RNF146: variants seen among roughly 807,000 people sequenced by gnomAD.
The protein encoded by RNF146 is E3 ubiquitin-protein ligase RNF146.
RNF146 carries 11 observed loss-of-function variants against 29.7 expected under a neutral mutation model. The observed-to-expected ratio is 0.37, with a 90% CI of 0.23 to 0.61. RNF146 has a LOEUF of 0.61. Ranked by LOEUF, RNF146 falls within the 20% of genes least tolerant of loss-of-function variation. The pLI is 0.66. For missense variants in RNF146, 342 were observed against 438.9 expected (o/e 0.78, Z 1.97); for synonymous variants, 150 against 159.7 (o/e 0.94, Z 0.46).
intron 2 of RNF146, chr6:127,285,477 C>G (rs1779386853): frequency 3.4e-6 from 1 of 291,114 alleles, no homozygotes; most frequent in African/African-American, 2.4e-5. Context: ...ATTTCTCAGT[C>G]TTTTTTACTT....
Position 127,286,480 on chromosome 6 carries a change from A to G in RNF146, c.3-136A>G, listed in dbSNP as rs925359225. Reference sequence around the variant, plus strand: ...GTTGGAGAGTTTTTCCTCTACTTTCATCTTCATATCCCCATTGTCTAGTAT... The same window carrying G: ...GTTGGAGAGTTTTTCCTCTACTTTCGTCTTCATATCCCCATTGTCTAGTAT... On this transcript the variant is annotated intron_variant, in intron 2 of 2. Transcript: ENST00000368314. This position sits in a 1 kb window ranked among gnomAD's most constrained non-coding sequence, Gnocchi z 4.6. 2 of 885,676 alleles carry G rather than the reference A, an allele frequency of 2.3e-6. No homozygotes were observed. The highest frequency in any genetic ancestry group is 3.4e-5 in the African/African-American group (2 of 58,688). 54.9% of individuals were successfully genotyped at this position (885,676 alleles called of 1,614,324 possible).
chr6:127,269,955 GTAAGTCTTCAAATAT>G (rs1777229610), intron 1 of RNF146, among the ~76,000 whole-genome samples: 1 of 152,062 alleles, frequency 6.6e-6, no homozygotes, highest in Non-Finnish European at 1.5e-5. Flanking sequence ...GAAAAATACA[GTAAGTCTTCAAATAT>G]TTATAATTGA....
intron 1 of RNF146, among the ~76,000 whole-genome samples, chr6:127,274,932 T>TAAAAC (rs147643999): frequency 1.1e-4 from 17 of 152,082 alleles, no homozygotes; most frequent in East Asian, 7.7e-4. Flanking sequence ...CGCTGTCTCT[T>TAAAAC]AAAACAAAAC....
chr6:127,281,135 A>T (rs960871772), intron 2 of RNF146, among the ~76,000 whole-genome samples: 1 of 151,658 alleles, frequency 6.6e-6, no homozygotes, highest in African/African-American at 2.4e-5. Flanking sequence ...CCAGTATGAT[A>T]CTGGTTACAT....
At chr6:127,278,646 A>G (rs1716973541) in intron 1 of RNF146, among the ~76,000 whole-genome samples, 2 of 151,978 alleles carry the variant, frequency 1.3e-5, no homozygotes, top group Admixed American at 6.6e-5. Flanking sequence ...TTGGCATACA[A>G]GTGTCTGAGA....
intron 1 of RNF146, among the ~76,000 whole-genome samples, chr6:127,269,669 T>C (rs915686168): frequency 1.1e-4 from 16 of 152,154 alleles, no homozygotes; most frequent in African/African-American, 3.9e-4. Flanking sequence ...TAGCAGGAGA[T>C]GATGAGGGCT....
At chr6:127,283,514 A>G (rs1337167311) in intron 2 of RNF146, among the ~76,000 whole-genome samples, 1 of 151,772 alleles carries the variant, frequency 6.6e-6, no homozygotes, top group Non-Finnish European at 1.5e-5. Context: ...AGATCATTGG[A>G]ACTGCAAAAC....
intron 1 of RNF146, among the ~76,000 whole-genome samples, chr6:127,270,914 C>G (rs956162226): frequency 2.0e-5 from 3 of 151,566 alleles, no homozygotes; most frequent in Non-Finnish European, 2.9e-5. Flanking sequence ...CTCCCAGATT[C>G]AAGAGATTCT....
intron 1 of RNF146, among the ~76,000 whole-genome samples, chr6:127,275,226 A>T (rs1271448655): frequency 2.0e-5 from 3 of 152,170 alleles, no homozygotes; most frequent in Non-Finnish European, 4.4e-5. Context: ...TGGAGAATTC[A>T]TTGACAATGA....
chr6:127,285,071 G>T, intron 2 of RNF146: 2 of 386,348 alleles, frequency 5.2e-6, no homozygotes, highest in Non-Finnish European at 7.1e-6. Context: ...GGAATTGATT[G>T]GAAATGTTAT....
intron 1 of RNF146, among the ~76,000 whole-genome samples, chr6:127,278,191 A>G (rs777743885): frequency 5.7e-4 from 87 of 152,058 alleles, no homozygotes; most frequent in Admixed American, 2.8e-3. Context: ...GGAGATGGAA[A>G]TACTAAATGA....
chr6:127,275,549 A>G (rs1778084330), intron 1 of RNF146, among the ~76,000 whole-genome samples: 1 of 152,140 alleles, frequency 6.6e-6, no homozygotes, highest in African/African-American at 2.4e-5. Context: ...TTAAAGATAT[A>G]AAAATCTCCC....
At chr6:127,270,871 A>C (rs1221669388) in intron 1 of RNF146, among the ~76,000 whole-genome samples, 1 of 150,494 alleles carries the variant, frequency 6.6e-6, no homozygotes, top group Non-Finnish European at 1.5e-5. Flanking sequence ...GCTGGAGTGC[A>C]GTGGTGCGAT....
Position 127,288,503 on chromosome 6 carries a change from A to C in RNF146, c.*810A>C, listed in dbSNP as rs1779812275. ...CAGAAAAGTTTGATTTTTTTCTTAG[A>C]GATTATTTAAACAGAATCTATAGGC... On this transcript the variant is annotated 3_prime_UTR_variant, in exon 3 of 3. Transcript: ENST00000368314. The C allele has an allele frequency of 6.0e-6, 1 of 166,880 alleles. No individual in the cohort carries two copies. The highest frequency in any genetic ancestry group is 1.5e-5 in the Non-Finnish European group (1 of 68,040). 10.3% of individuals were successfully genotyped at this position (166,880 alleles called of 1,614,324 possible). A position where few individuals can be genotyped will look rare whatever the true frequency, so the allele number is the denominator to read the frequency against.
chr6:127,266,831 G>T (rs1026912287), upstream of RNF146: 3 of 151,784 alleles, frequency 2.0e-5, no homozygotes, highest in African/African-American at 7.3e-5. Flanking sequence ...CGACGCGCCG[G>T]GTGGTCACGT....
Position 127,287,697 on chromosome 6 carries a change from A to G in RNF146, c.*4A>G, listed in dbSNP as rs752982127. 2.0e-6 allele frequency: 3 copies of G among 1,523,760 alleles called. No individual in the cohort carries two copies. In the Admixed American group the frequency reaches 6.0e-5, roughly 31 times the overall value. The allele number at this position is 1,523,760 out of a possible 1,614,324, so 94.4% of individuals were successfully genotyped here. On this transcript the variant is annotated 3_prime_UTR_variant, in exon 3 of 3. Transcript: ENST00000368314. ...GTGCACAGTAACTGAAGTTTAAATA[A>G]AAATGTCTTCAGCTCCATGCTCAAG...
At chr6:127,277,192 G>C (rs1360201041) in intron 1 of RNF146, among the ~76,000 whole-genome samples, 2 of 151,992 alleles carry the variant, frequency 1.3e-5, no homozygotes, top group Non-Finnish European at 2.9e-5. Flanking sequence ...GTGTGATAGA[G>C]ACTTGAAAGA....
In RNF146 at chr6:127,278,751, T is replaced by A. The variant is rs527453906; in HGVS notation, c.-108-1480T>A. Among the ~76,000 whole-genome samples the A allele has an allele frequency of 1.1e-4, 16 of 152,118 alleles. No individual in the cohort carries two copies. In the East Asian group the frequency reaches 3.1e-3, roughly 29 times the overall value. On this transcript the variant is annotated intron_variant, in intron 1 of 2. Coordinates refer to ENST00000368314, the MANE Select transcript of RNF146 (RefSeq NM_001242850.2). ...ATTATTATTCACAGCAGCTACACCC[T>A]TTTACCTTCCTACCAGCAGTTTTCA...
At position 127,288,302 on chromosome 6, in the gene RNF146, C is replaced by T. The variant is rs1366451978; in HGVS notation, c.*609C>T. ...TCTTATAGTTTGAGGTTTTTTTGGT[C>T]TGCATTTTTCTTTTTGATTACAAAA... On this transcript the variant is annotated 3_prime_UTR_variant, in exon 3 of 3. Coordinates refer to ENST00000368314, the MANE Select transcript of RNF146 (RefSeq NM_001242850.2). 1 of 166,588 alleles carries T rather than the reference C, an allele frequency of 6.0e-6. No individual in the cohort carries two copies. 10.3% of individuals were successfully genotyped at this position (166,588 alleles called of 1,614,324 possible). A position where few individuals can be genotyped will look rare whatever the true frequency, so the allele number is the denominator to read the frequency against.
Sources: allele counts gnomAD v4.1 joint callset (sites outside exome capture counted in the v4.1 genomes callset), GRCh38; gene constraint gnomAD v4.1.1; non-coding constraint Gnocchi (gnomAD v3.1); transcripts MANE v1.5; gene names NCBI Gene and HGNC (gene_info 2026-07-23, HGNC 2026-07-21).